The following NOS2 variants were observed in gnomAD, a reference collection of about 807,000 sequenced individuals.
The protein encoded by NOS2 is nitric oxide synthase, inducible.
Under a neutral mutation model 136.0 loss-of-function variants are expected in NOS2, and 96 were observed. The observed-to-expected ratio is 0.71, with a 90% CI of 0.60 to 0.84. The LOEUF (loss-of-function observed/expected upper bound fraction) is 0.84, where lower values mean the gene tolerates loss of function less well. Among genes scored for constraint, NOS2 ranks in the 40% least tolerant of loss-of-function variants. The probability of loss-of-function intolerance (pLI) is 0.00; values close to 1 mark genes in which losing one functional copy is unlikely to be tolerated. For missense variants in NOS2, 1,237 were observed against 1,496.9 expected (o/e 0.83, Z 2.87); for synonymous variants, 539 against 587.5 (o/e 0.92, Z 1.20).
At chr17:27,792,418 G>T (rs1351364120) in intron 2 of NOS2, among the ~76,000 whole-genome samples, 1 of 152,162 alleles carries the variant, frequency 6.6e-6, no homozygotes, top group Non-Finnish European at 1.5e-5. Flanking sequence ...CAGTGACAAT[G>T]AATTCCTTTC....
chr17:27,798,679 G>A (rs577010644), intron 2 of NOS2, 21 bp downstream of exon 2: 1 of 1,491,188 alleles, frequency 6.7e-7, no homozygotes, highest in Admixed American at 1.7e-5. Flanking sequence ...CAAGCAGGAG[G>A]TTCCCCCAGG....
At chr17:27,768,577 T>A (rs1004965116) in intron 17 of NOS2, among the ~76,000 whole-genome samples, 6 of 152,182 alleles carry the variant, frequency 3.9e-5, no homozygotes, top group African/African-American at 1.4e-4. Flanking sequence ...AATAAAGAGC[T>A]ATGGAGATAC....
chr17:27,789,214 G>A (rs915157337), intron 3 of NOS2, among the ~76,000 whole-genome samples: 2 of 152,208 alleles, frequency 1.3e-5, no homozygotes, highest in African/African-American at 2.4e-5. Flanking sequence ...AGGTGAGAAG[G>A]ATGACTGTCA....
At chr17:27,792,858 T>C (rs976775518) in intron 2 of NOS2, among the ~76,000 whole-genome samples, 4 of 144,970 alleles carry the variant, frequency 2.8e-5, no homozygotes, top group Non-Finnish European at 6.0e-5. Flanking sequence ...TGTGTGGTGA[T>C]GCGCGCCTGT....
chr17:27,784,152 A>G (rs1166661229), intron 5 of NOS2, among the ~76,000 whole-genome samples: 1 of 151,512 alleles, frequency 6.6e-6, no homozygotes, highest in Non-Finnish European at 1.5e-5. Context: ...ACACACACAC[A>G]CACACACACT....
intron 9 of NOS2, among the ~76,000 whole-genome samples, chr17:27,780,030 G>A (rs986163726): frequency 2.0e-5 from 3 of 152,196 alleles, no homozygotes; most frequent in Admixed American, 1.3e-4. Context: ...GATTATAAAT[G>A]GGTAAACAAA....
In NOS2 at chr17:27,772,359, C is replaced by T. The variant is rs1908523268; in HGVS notation, c.1653G>A (p.Glu551=). The T allele has an allele frequency of 3.7e-6, 6 of 1,614,188 alleles. No homozygotes were observed. Among genetic ancestry groups the T allele is most frequent in the Non-Finnish European group, 5.1e-6 (6 of 1,180,046 alleles). Reference sequence around the variant, plus strand: ...AGGCCCCCAGGTCCCAGGCCAGCGCCTCTGATTTTCCTGTCTCTGTCGCAA... The same window carrying T: ...AGGCCCCCAGGTCCCAGGCCAGCGCTTCTGATTTTCCTGTCTCTGTCGCAA... ...ILFATETGKS[E]ALAWDLGALF... Residue 551 remains glutamate (E), a synonymous_variant, in exon 14 of 27, where the codon GAG becomes GAA. Coordinates refer to ENST00000313735, the MANE Select transcript of NOS2 (RefSeq NM_000625.4).
At chr17:27,764,833 C>G (rs1206238629) in intron 20 of NOS2, among the ~76,000 whole-genome samples, 1 of 152,220 alleles carries the variant, frequency 6.6e-6, no homozygotes, top group Non-Finnish European at 1.5e-5. Context: ...AAGAGCCTGA[C>G]ATTCTCTCCT....
In NOS2 at chr17:27,773,205, C is replaced by T; in HGVS notation, c.1515G>A (p.Lys505=). The T allele has an allele frequency of 1.9e-6, 3 of 1,614,138 alleles. No homozygotes were observed. Among genetic ancestry groups the T allele is most frequent in the Non-Finnish European group, 2.5e-6 (3 of 1,179,976 alleles). ...GAATCTCTCTTCTCTTGGGTCTCCG[C>T]TTCTCGTCCTGCCAGACATGGGTTT... ...AWKTHVWQDE[K]RRPKRREIPL... The change falls in exon 13 of 27, where the codon AAG becomes AAA. Residue 505 remains lysine, a synonymous_variant. Coordinates refer to ENST00000313735, the MANE Select transcript of NOS2 (RefSeq NM_000625.4).
At position 27,760,593 on chromosome 17, in the gene NOS2, C is replaced by G. The variant is rs547521635; in HGVS notation, c.3010+30G>C. ...TAGGCAGGCGCTGGCCCCCTGGTGC[C>G]CCTCCCACCTGGGAAGCCTCCAGCC... On this transcript the variant is annotated intron_variant, in intron 24 of 26. Coordinates refer to ENST00000313735, the MANE Select transcript of NOS2 (RefSeq NM_000625.4). The G allele has an allele frequency of 2.6e-6, 4 of 1,551,528 alleles. No homozygotes were observed. The South Asian group carries it at 4.8e-5, about 18-fold the overall frequency.
At chr17:27,766,623 T>G in intron 18 of NOS2, 35 bp from the exon 19 acceptor site, 1 of 1,581,556 alleles carries the variant, frequency 6.3e-7, no homozygotes, top group Non-Finnish European at 8.7e-7. Context: ...AATGGCAAAG[T>G]GGTTCTTGAG....
Position 27,798,725 on chromosome 17 carries a change from C to T in NOS2, c.85G>A (p.Glu29Lys). 1.2e-6 allele frequency: 2 copies of T among 1,613,796 alleles called. No homozygotes were observed. Among genetic ancestry groups the T allele is most frequent in the Non-Finnish European group, 8.5e-7 (1 of 1,179,660 alleles). ...CTGGAGGTGGCACAGGGGGCTTTCT[C>T]CACATTGTTGTTGATGTCTTTTTCC... The part of the protein sequence containing the change: ...NGEKDINNNV[E>K]KAPCATSSPV... The change falls in exon 2 of 27, where the codon GAG (glutamate) becomes AAG (lysine). Residue 29 changes from glutamate (E) to lysine (K), a missense_variant. Glu to Lys is a moderately conservative substitution (Grantham distance 56). Coordinates refer to ENST00000313735, the MANE Select transcript of NOS2 (RefSeq NM_000625.4).
At chr17:27,770,057 C>T (rs1261970842) in intron 15 of NOS2, among the ~76,000 whole-genome samples, 2 of 152,226 alleles carry the variant, frequency 1.3e-5, no homozygotes, top group Non-Finnish European at 2.9e-5. Context: ...TATTTACTCC[C>T]TTTTCATAAT....
rs118160614 is a variant in NOS2 at position 27,773,934 on chromosome 17, A to T, written c.1476+323T>A. On this transcript the variant is annotated intron_variant, in intron 12 of 26. Transcript: ENST00000313735. ...ATTGCTAGGAAGTGGCAGAATCAAT[A>T]GCGTCTGACTCAGGGGCCAATCCCC... Among the ~76,000 whole-genome samples the T allele has an allele frequency of 3.0e-3, 453 of 152,296 alleles. 7 individuals are homozygous for T. The highest frequency in any genetic ancestry group is 5.0e-3 in the East Asian group (26 of 5,178).
In NOS2 at chr17:27,770,835, G is replaced by A. The variant is rs544845971; in HGVS notation, c.1809+78C>T. 5.7e-6 allele frequency: 6 copies of A among 1,045,500 alleles called. No homozygotes were observed. In the African/African-American group the frequency reaches 7.9e-5, roughly 14 times the overall value. 64.8% of individuals were successfully genotyped at this position (1,045,500 alleles called of 1,614,324 possible). A position where few individuals can be genotyped will look rare whatever the true frequency, so the allele number is the denominator to read the frequency against. The stretch of plus-strand genomic sequence containing the variant: ...CTCCCAAATGTCCTCCGTAGGACCT[G>A]CCGCATCCCCCAGACCCTTTCCTGG... On this transcript the variant is annotated intron_variant, in intron 15 of 26. Coordinates refer to ENST00000313735, the MANE Select transcript of NOS2 (RefSeq NM_000625.4).
intron 5 of NOS2, among the ~76,000 whole-genome samples, chr17:27,784,137 C>CACACACACACACAA (rs1908939544): frequency 6.8e-6 from 1 of 146,148 alleles, no homozygotes; most frequent in Non-Finnish European, 1.5e-5. Context: ...CTTTGAAACA[C>CACACACACACACAA]ACACACACAC....
chr17:27,760,529 A>T, intron 24 of NOS2, 94 bp downstream of exon 24: 1 of 1,508,444 alleles, frequency 6.6e-7, no homozygotes, highest in South Asian at 1.2e-5. Context: ...TTCCCTCGAG[A>T]GAGGTCAGGA....
intron 14 of NOS2, among the ~76,000 whole-genome samples, chr17:27,771,393 T>C (rs765548712): frequency 1.3e-5 from 2 of 152,218 alleles, no homozygotes; most frequent in Non-Finnish European, 2.9e-5. Context: ...CTGGAGGGAA[T>C]GGCCGGGGAA....
chr17:27,767,190 G>T (rs571659294), intron 18 of NOS2, among the ~76,000 whole-genome samples: 1 of 152,300 alleles, frequency 6.6e-6, no homozygotes, highest in East Asian at 1.9e-4. Context: ...AAACCTTCAG[G>T]ACTATCTTAG....
Sources: gnomAD v4.1 joint callset for allele counts (sites outside exome capture counted in the v4.1 genomes callset) on GRCh38, gnomAD v4.1.1 for gene constraint, MANE v1.5 for transcripts, NCBI Gene and HGNC (gene_info 2026-07-23, HGNC 2026-07-21) for gene names.